PXDNL: variants seen among roughly 807,000 people sequenced by gnomAD.
PXDNL encodes probable oxidoreductase PXDNL.
Under a neutral mutation model 150.8 loss-of-function variants are expected in PXDNL, and 145 were observed. The observed-to-expected ratio is 0.96, with a 90% confidence interval of 0.84 to 1.10. The LOEUF is 1.10. Ranked by LOEUF, PXDNL falls within the 50% of genes least tolerant of loss-of-function variation. The pLI is 0.00. For missense variants in PXDNL, 2,087 were observed against 1,873.9 expected (o/e 1.11, Z -2.10); for synonymous variants, 757 against 725.7 (o/e 1.04, Z -0.69).
chr8:51,594,898 G>A (rs927859119), intron 2 of PXDNL, among the ~76,000 whole-genome samples: 7 of 152,048 alleles, frequency 4.6e-5, no homozygotes, highest in Non-Finnish European at 8.8e-5. Context: ...AATTCAGGGC[G>A]TAAAACAATA....
intron 1 of PXDNL, among the ~76,000 whole-genome samples, chr8:51,716,912 C>T (rs1052285425): frequency 3.9e-5 from 6 of 152,158 alleles, no homozygotes; most frequent in Non-Finnish European, 8.8e-5. Flanking sequence ...AATCCAAGAA[C>T]TCTTTTTTTG....
At chr8:51,455,054 A>G (rs1809901970) in intron 9 of PXDNL, among the ~76,000 whole-genome samples, 1 of 83,216 alleles carries the variant, frequency 1.2e-5, no homozygotes, top group Non-Finnish European at 2.1e-5. Context: ...GCTTGCAGTG[A>G]GCCGAGATTG....
chr8:51,684,248 GGCCAAA>G (rs1240283439), intron 1 of PXDNL, among the ~76,000 whole-genome samples: 2 of 152,144 alleles, frequency 1.3e-5, no homozygotes, highest in Non-Finnish European at 2.9e-5. Context: ...CCACTGTCAA[GGCCAAA>G]GCAAAAGTTA....
At chr8:51,449,383 T>G (rs1809753593) in intron 10 of PXDNL, among the ~76,000 whole-genome samples, 1 of 152,340 alleles carries the variant, frequency 6.6e-6, no homozygotes, top group African/African-American at 2.4e-5. Context: ...GGCAGCTGTT[T>G]CCCATGATTG....
At position 51,490,704 on chromosome 8, in the gene PXDNL, C is replaced by T. The variant is rs557335644; in HGVS notation, c.453-6990G>A. The stretch of plus-strand genomic sequence containing the variant: ...TATATACACATACAAATAGTTCACT[C>T]ATCAGTATGTAATTGACTTTCTAGT... On this transcript the variant is annotated intron_variant, in intron 5 of 22. Transcript: ENST00000356297. 4.3e-5 allele frequency among the ~76,000 whole-genome samples: 6 copies of T among 141,038 alleles called. No homozygotes were observed. In the Admixed American group the frequency reaches 4.5e-4, roughly 11 times the overall value. The allele number at this position is 141,038 out of a possible 152,430, so 92.5% of individuals were successfully genotyped here. A position where few individuals can be genotyped will look rare whatever the true frequency, so the allele number is the denominator to read the frequency against.
intron 1 of PXDNL, among the ~76,000 whole-genome samples, chr8:51,706,933 T>C (rs934920976): frequency 1.1e-5 from 1 of 92,672 alleles, no homozygotes; most frequent in East Asian, 3.2e-4. Context: ...TGAAGGGGTC[T>C]CTGGGTTTTC....
intron 6 of PXDNL, among the ~76,000 whole-genome samples, chr8:51,483,101 G>A (rs1360760825): frequency 2.6e-5 from 4 of 152,214 alleles, no homozygotes; most frequent in African/African-American, 4.8e-5. Context: ...AGAGACAGCT[G>A]GAATGCAGGA....
intron 16 of PXDNL, 43 bp from the exon 17 acceptor site, chr8:51,409,604 G>A (rs745840127): frequency 1.3e-6 from 2 of 1,491,590 alleles, no homozygotes. Flanking sequence ...GCGGGCCTGG[G>A]AGGGCGCGGG....
At position 51,739,612 on chromosome 8, in the gene PXDNL, C is replaced by T. The variant is rs532947162; in HGVS notation, c.164+69569G>A. ...ATACACAAAAATCAATTTCATCTCACGCCTGTAATCCCAGCACTTTGGGAG... is the reference window on the plus strand; with the variant it reads ...ATACACAAAAATCAATTTCATCTCATGCCTGTAATCCCAGCACTTTGGGAG... On this transcript the variant is annotated intron_variant, in intron 1 of 22. Transcript: ENST00000356297. Among the ~76,000 whole-genome samples, 13 of 152,216 alleles carry T rather than the reference C, an allele frequency of 8.5e-5. No individual in the cohort carries two copies. The East Asian group carries it at 1.4e-3, about 16-fold the overall frequency.
At chr8:51,467,699 T>TA (rs1352000142) in intron 8 of PXDNL, among the ~76,000 whole-genome samples, 1 of 152,082 alleles carries the variant, frequency 6.6e-6, no homozygotes, top group Non-Finnish European at 1.5e-5. Context: ...CAACATCTTC[T>TA]AATGGGTCTC....
At chr8:51,337,173 T>C (rs1264684608) in intron 21 of PXDNL, among the ~76,000 whole-genome samples, 1 of 152,142 alleles carries the variant, frequency 6.6e-6, no homozygotes, top group Non-Finnish European at 1.5e-5. Context: ...ACTGCAGTCT[T>C]GGGGTATGTT....
intron 8 of PXDNL, among the ~76,000 whole-genome samples, chr8:51,458,520 A>G (rs535460279): frequency 4.6e-5 from 7 of 152,342 alleles, no homozygotes; most frequent in Non-Finnish European, 1.0e-4. Context: ...TTAGGCATAG[A>G]TAAAGGAAAT....
At chr8:51,480,531 C>T (rs560281241) in intron 6 of PXDNL, among the ~76,000 whole-genome samples, 13 of 152,302 alleles carry the variant, frequency 8.5e-5, no homozygotes, top group South Asian at 2.1e-4. Flanking sequence ...TCACGCCCCA[C>T]GACTGACATT....
intron 1 of PXDNL, among the ~76,000 whole-genome samples, chr8:51,733,279 T>A (rs1816968581): frequency 6.6e-6 from 1 of 152,236 alleles, no homozygotes; most frequent in South Asian, 2.1e-4. Flanking sequence ...TTTTCCTCCG[T>A]CTTCCCTCAT....
chr8:51,745,796 G>C (rs1399785118), intron 1 of PXDNL, among the ~76,000 whole-genome samples: 1 of 147,054 alleles, frequency 6.8e-6, no homozygotes, highest in Admixed American at 6.9e-5. Flanking sequence ...TCACTCTGTC[G>C]CTGGAGTGCA....
intron 1 of PXDNL, among the ~76,000 whole-genome samples, chr8:51,801,514 C>T (rs1221579870): frequency 2.0e-5 from 3 of 152,134 alleles, no homozygotes; most frequent in African/African-American, 2.4e-5. Flanking sequence ...GTGGCTCAGG[C>T]GGACATCATG....
chr8:51,676,978 A>G (rs1215099505), intron 1 of PXDNL, among the ~76,000 whole-genome samples: 1 of 152,224 alleles, frequency 6.6e-6, no homozygotes, highest in Non-Finnish European at 1.5e-5. Context: ...AGAAAAACGA[A>G]CCAGAGAGCA....
intron 1 of PXDNL, among the ~76,000 whole-genome samples, chr8:51,686,578 GT>G (rs1160231546): frequency 2.6e-5 from 4 of 152,186 alleles, no homozygotes; most frequent in Non-Finnish European, 5.9e-5. Context: ...GACAACAGTA[GT>G]TTTTATAATC....
chr8:51,520,435 C>A (rs2130381083), intron 4 of PXDNL, among the ~76,000 whole-genome samples: 1 of 151,968 alleles, frequency 6.6e-6, no homozygotes, highest in East Asian at 1.9e-4. Flanking sequence ...CCACGCCGCA[C>A]CAGGAGGAGG....
Sources: gnomAD v4.1 joint callset for allele counts (sites outside exome capture counted in the v4.1 genomes callset) on GRCh38, gnomAD v4.1.1 for gene constraint, MANE v1.5 for transcripts, NCBI Gene and HGNC (gene_info 2026-07-23, HGNC 2026-07-21) for gene names.